The following RAI14 variants were observed in gnomAD, a reference collection of about 807,000 sequenced individuals.
RAI14 encodes the protein retinoic acid induced 14, also known as ankycorbin.
In RAI14, 45 loss-of-function variants were observed where a neutral mutation model predicts 115.4. The observed-to-expected ratio is 0.39, with a 90% CI of 0.31 to 0.50. The LOEUF is 0.50. Ranked by LOEUF, RAI14 falls within the 20% of genes least tolerant of loss-of-function variation. The pLI, the probability that RAI14 is intolerant of heterozygous loss-of-function variation, is 0.85. For synonymous variants in RAI14, 371 were observed against 415.4 expected (o/e 0.89, Z 1.30); for missense variants, 939 against 1,131.2 (o/e 0.83, Z 2.44).
intron 14 of RAI14, among the ~76,000 whole-genome samples, chr5:34,822,389 C>G (rs1756952443): frequency 6.6e-6 from 1 of 150,752 alleles, no homozygotes; most frequent in Non-Finnish European, 1.5e-5. Context: ...CATTACCCCT[C>G]TTGGCAAGTA....
chr5:34,794,473 T>G lies in RAI14; in HGVS notation c.168-1466T>G, dbSNP rs187804949. ...GTCACTACACTCCCAAATCATTGTA[T>G]GCAAAGTTTTATTGTAATGTGAAAT... On this transcript the variant is annotated intron_variant, in intron 3 of 17. Transcript: ENST00000265109. 2.0e-5 allele frequency among the ~76,000 whole-genome samples: 3 copies of G among 152,328 alleles called. No individual in the cohort carries two copies. In the East Asian group the frequency reaches 5.8e-4, roughly 29 times the overall value.
chr5:34,686,674 G>A (rs372526768), intron 1 of RAI14, among the ~76,000 whole-genome samples, 198 bp from the exon 2 acceptor site: 11 of 152,128 alleles, frequency 7.2e-5, no homozygotes, highest in African/African-American at 2.7e-4. Flanking sequence ...TTAAGGTTTT[G>A]GTTAATTTGA....
At chr5:34,676,312 G>C (rs762393789) in intron 1 of RAI14, among the ~76,000 whole-genome samples, 1 of 152,170 alleles carries the variant, frequency 6.6e-6, no homozygotes, top group Non-Finnish European at 1.5e-5. Flanking sequence ...AGGTGAACAC[G>C]GTGGTGTGTT....
intron 11 of RAI14, among the ~76,000 whole-genome samples, 159 bp downstream of exon 11, chr5:34,813,819 G>A (rs1474888074): frequency 6.6e-6 from 1 of 152,152 alleles, no homozygotes; most frequent in South Asian, 2.1e-4. Context: ...TGGTAAGAAG[G>A]ATTGATGATT....
chr5:34,752,727 G>C (rs1008448683), intron 2 of RAI14, among the ~76,000 whole-genome samples: 1,038 of 86,702 alleles, frequency 0.012, 50 homozygotes, highest in African/African-American at 0.043. Context: ...GTGTGTGTGT[G>C]TGTGTGTGTG....
intron 10 of RAI14, among the ~76,000 whole-genome samples, chr5:34,813,005 T>C (rs1343899086): frequency 6.6e-6 from 1 of 152,244 alleles, no homozygotes; most frequent in Non-Finnish European, 1.5e-5. Context: ...TGTAGTTTTT[T>C]CTAAAAATAT....
intron 2 of RAI14, among the ~76,000 whole-genome samples, chr5:34,752,915 G>A (rs925074000): frequency 6.6e-6 from 1 of 151,574 alleles, no homozygotes; most frequent in African/African-American, 2.4e-5. Context: ...TCACAGGCAC[G>A]AGCCACCGTG....
intron 3 of RAI14, among the ~76,000 whole-genome samples, chr5:34,781,924 AT>A (rs1308252312): frequency 6.6e-6 from 1 of 152,212 alleles, no homozygotes; most frequent in South Asian, 2.1e-4. Context: ...TTACCCACAT[AT>A]TTATTGACAG....
intron 2 of RAI14, among the ~76,000 whole-genome samples, chr5:34,756,551 T>C (rs913922723): frequency 4.6e-5 from 7 of 152,094 alleles, no homozygotes; most frequent in Non-Finnish European, 8.8e-5. Flanking sequence ...GCCTCTGATA[T>C]GCTCAACATC....
chr5:34,782,846 T>C lies in RAI14; in HGVS notation c.168-13093T>C, dbSNP rs370872441. ...GTGCAATTCAAGCTAAACATCTCCA[T>C]AGGGGAATAATCAATGATGATTCCA... On this transcript the variant is annotated intron_variant, in intron 3 of 17. Coordinates refer to ENST00000265109, the MANE Select transcript of RAI14 (RefSeq NM_015577.3). Among the ~76,000 whole-genome samples, 33 of 152,304 alleles carry C rather than the reference T, an allele frequency of 2.2e-4. No homozygotes were observed. In the South Asian group the frequency reaches 4.4e-3, roughly 20 times the overall value.
chr5:34,761,970 G>A (rs905125853), intron 3 of RAI14, among the ~76,000 whole-genome samples: 4 of 152,148 alleles, frequency 2.6e-5, no homozygotes, highest in East Asian at 1.9e-4. Context: ...CAACAGAAAT[G>A]TCTCCATTCT....
chr5:34,706,478 TATCTC>T (rs1740708563), intron 2 of RAI14, among the ~76,000 whole-genome samples: 1 of 152,222 alleles, frequency 6.6e-6, no homozygotes, highest in African/African-American at 2.4e-5. Flanking sequence ...TTGCTCAAAA[TATCTC>T]AGGCTGACTA....
At chr5:34,741,749 T>C (rs778244927) in intron 2 of RAI14, among the ~76,000 whole-genome samples, 4 of 151,936 alleles carry the variant, frequency 2.6e-5, no homozygotes, top group Non-Finnish European at 5.9e-5. Flanking sequence ...CCACGGATGG[T>C]TTTGAATAAG....
intron 5 of RAI14, among the ~76,000 whole-genome samples, chr5:34,806,398 G>A (rs368822801): frequency 8.5e-5 from 13 of 152,302 alleles, no homozygotes; most frequent in East Asian, 7.7e-4. Context: ...TTTTAAAAGA[G>A]AATTCTGTTT....
chr5:34,689,356 G>A (rs1253976199), intron 2 of RAI14, among the ~76,000 whole-genome samples: 1 of 152,068 alleles, frequency 6.6e-6, no homozygotes, highest in Middle Eastern at 3.2e-3. Context: ...AGTGAATTGT[G>A]TTCACGCCAC....
intron 16 of RAI14, among the ~76,000 whole-genome samples, chr5:34,829,526 C>A (rs1757809943): frequency 6.6e-6 from 1 of 151,988 alleles, no homozygotes; most frequent in Non-Finnish European, 1.5e-5. Flanking sequence ...GTTGACATAC[C>A]AAGACTTTTT....
At chr5:34,767,811 G>A (rs1035624056) in intron 3 of RAI14, among the ~76,000 whole-genome samples, 4 of 151,848 alleles carry the variant, frequency 2.6e-5, no homozygotes, top group African/African-American at 9.7e-5. Context: ...CAAGGCGAGA[G>A]CCCAATCTTT....
intron 12 of RAI14, 102 bp from the exon 13 acceptor site, chr5:34,818,695 C>A: frequency 1.1e-6 from 1 of 880,496 alleles, no homozygotes; most frequent in Non-Finnish European, 1.8e-6. Context: ...TAGGATCATA[C>A]CAGATCTGCT....
chr5:34,812,379 T>C (rs960712661), intron 10 of RAI14, among the ~76,000 whole-genome samples, 171 bp downstream of exon 10: 1 of 152,192 alleles, frequency 6.6e-6, no homozygotes, highest in African/African-American at 2.4e-5. Context: ...GTGTTAAAGG[T>C]TGCCAGGCCG....
Sources: gnomAD v4.1 joint callset for allele counts (sites outside exome capture counted in the v4.1 genomes callset) on GRCh38, gnomAD v4.1.1 for gene constraint, MANE v1.5 for transcripts, NCBI Gene and HGNC (gene_info 2026-07-23, HGNC 2026-07-21) for gene names.